The following HAS3 variants were observed in gnomAD, a reference collection of about 807,000 sequenced individuals.
HAS3 encodes the protein hyaluronan synthase 3, also known as HA synthase 3.
HAS3 carries 27 observed loss-of-function variants against 50.3 expected under a neutral mutation model. That is an observed-to-expected ratio of 0.54 (90% CI 0.40 to 0.74). The LOEUF is 0.74. Among genes scored for constraint, HAS3 ranks in the 30% least tolerant of loss-of-function variants. The pLI, the probability that HAS3 is intolerant of heterozygous loss-of-function variation, is 0.00. For missense variants in HAS3, 517 were observed against 742.8 expected (o/e 0.70, Z 3.53); for synonymous variants, 339 against 310.9 (o/e 1.09, Z -0.95).
chr16:69,108,836 TGC>T, intron 1 of HAS3, among the ~76,000 whole-genome samples: 2 of 152,330 alleles, frequency 1.3e-5, no homozygotes, highest in South Asian at 4.1e-4. Context: ...CCCCTTTGTT[TGC>T]TGTTTCTTTT....
At chr16:69,100,119 C>G in the HAS3 span, among the ~76,000 whole-genome samples, 1 of 152,266 alleles carries the variant, frequency 6.6e-6, no homozygotes, top group East Asian at 1.9e-4. Context: ...AACGGCAGCA[C>G]AGGAAAGTCC....
chr16:69,110,571 C>G (rs1039787902), intron 2 of HAS3, among the ~76,000 whole-genome samples: 19 of 152,166 alleles, frequency 1.2e-4, no homozygotes, highest in African/African-American at 4.3e-4. Flanking sequence ...GCACATACAC[C>G]ACCGCACCCA....
At position 69,109,617 on chromosome 16, in the gene HAS3, C is replaced by T. The variant is rs1443422856; in HGVS notation, c.222C>T (p.Gly74=). 6.2e-6 allele frequency: 10 copies of T among 1,611,900 alleles called. No individual in the cohort carries two copies. Among genetic ancestry groups the T allele is most frequent in the African/African-American group, 2.7e-5 (2 of 75,072 alleles). The part of the protein sequence containing the change: ...FLEHRRMRRA[G]QALKLPSPRR... ...AGCACCGGCGCATGCGACGTGCCGG[C>T]CAGGCCCTGAAGCTGCCCTCCCCGC... The change falls in exon 2 of 4, where the codon GGC becomes GGT. Residue 74 remains glycine (G), a synonymous_variant. Coordinates refer to ENST00000569188, the MANE Select transcript of HAS3 (RefSeq NM_001199280.2). This position sits in a 1 kb window ranked among gnomAD's most constrained non-coding sequence, Gnocchi z 5.3.
the HAS3 span, among the ~76,000 whole-genome samples, chr16:69,095,148 A>AT: frequency 1.1e-4 from 17 of 151,330 alleles, no homozygotes; most frequent in South Asian, 2.1e-3. Flanking sequence ...CACCTGGCTA[A>AT]TTTTTTTTGT....
chr16:69,095,980 T>C, the HAS3 span, among the ~76,000 whole-genome samples: 1 of 133,108 alleles, frequency 7.5e-6, no homozygotes, highest in African/African-American at 2.8e-5. Flanking sequence ...CTTTGGAGGC[T>C]GAGGCAGGTG....
the HAS3 span, among the ~76,000 whole-genome samples, chr16:69,086,060 G>T: frequency 1.3e-5 from 2 of 151,476 alleles, no homozygotes; most frequent in Admixed American, 1.3e-4. Context: ...CAGAGATGAG[G>T]TCTCGCTATG....
At position 69,116,653 on chromosome 16, in the gene HAS3, T is replaced by C. The variant is rs935450561; in HGVS notation, c.*1387T>C. On this transcript the variant is annotated 3_prime_UTR_variant, in exon 4 of 4. Coordinates refer to ENST00000569188, the MANE Select transcript of HAS3 (RefSeq NM_001199280.2). ...AACTGGTTCCTACATCCTAAGGTTC[T>C]TGCTTTCTCTCTCATGCCTCCTGAG... The C allele has an allele frequency of 8.1e-6, 8 of 985,290 alleles. No individual in the cohort carries two copies. The African/African-American group carries it at 1.0e-4, about 13-fold the overall frequency. The allele number at this position is 985,290 out of a possible 1,614,324, so 61.0% of individuals were successfully genotyped here.
At chr16:69,098,661 GA>G in the HAS3 span, among the ~76,000 whole-genome samples, 1 of 120,970 alleles carries the variant, frequency 8.3e-6, no homozygotes, top group Admixed American at 8.3e-5. Flanking sequence ...TATCAAACCT[GA>G]TTTTTTTTTT....
At chr16:69,118,448 T>C, downstream of HAS3, 1 of 1,607,416 alleles carries the variant, frequency 6.2e-7, no homozygotes, top group Non-Finnish European at 8.5e-7. Context: ...ACGCCACGTT[T>C]CTAGAGAGCA....
chr16:69,108,415 A>C (rs1960882127), intron 1 of HAS3, among the ~76,000 whole-genome samples: 1 of 152,170 alleles, frequency 6.6e-6, no homozygotes, highest in African/African-American at 2.4e-5. Flanking sequence ...CTTAAACCCA[A>C]TTCTCTAGTG....
rs1026534458 is a variant in HAS3 at position 69,114,799 on chromosome 16, C to A, written c.1195C>A (p.Gln399Lys). ...FPFFLIATVIQLFYRGRIWNI... is the reference protein window; with the variant it reads ...FPFFLIATVIKLFYRGRIWNI... ...CTTCTTCCTCATTGCCACGGTTATA[C>A]AGCTTTTCTACCGGGGCCGCATCTG... Residue 399 changes from glutamine (Q) to lysine (K), a missense_variant, in exon 4 of 4, where the codon CAG (glutamine) becomes AAG (lysine). Gln to Lys is a moderately conservative substitution (Grantham distance 53). Transcript: ENST00000569188. The surrounding 1 kb of genome is among the most constrained non-coding windows in gnomAD (Gnocchi z 6.4). The A allele has an allele frequency of 6.2e-7, 1 of 1,613,984 alleles. No homozygotes were observed. The highest frequency in any genetic ancestry group is 8.5e-7 in the Non-Finnish European group (1 of 1,180,020).
rs1228928122 is a variant in HAS3, at chr16:69,114,316, A to G, written c.739-27A>G. The G allele has an allele frequency of 3.8e-6, 6 of 1,561,344 alleles. No homozygotes were observed. The Admixed American group carries it at 7.1e-5, about 18-fold the overall frequency. On this transcript the variant is annotated intron_variant, in intron 3 of 3. Transcript: ENST00000569188. The surrounding 1 kb of genome is among the most constrained non-coding windows in gnomAD (Gnocchi z 6.4). ...TGTCCTCCGGACGTGCAACCTTAGG[A>G]GGCCCAGCATCTCTATTCCCTTGCA...
chr16:69,105,328 C>A (rs908532711), upstream of HAS3, among the ~76,000 whole-genome samples: 2 of 152,110 alleles, frequency 1.3e-5, no homozygotes, highest in Admixed American at 6.6e-5. Context: ...AACTCTCCCC[C>A]CTCCTCGATC....
At chr16:69,118,592 C>T (rs1264963926), downstream of HAS3, 6 of 725,180 alleles carry the variant, frequency 8.3e-6, no homozygotes, top group African/African-American at 1.7e-5. Flanking sequence ...AGCTGTGGGA[C>T]GAAAGCACAG....
chr16:69,093,339 G>A, the HAS3 span, among the ~76,000 whole-genome samples: 1 of 151,984 alleles, frequency 6.6e-6, no homozygotes, highest in Non-Finnish European at 1.5e-5. Flanking sequence ...AGCCTCCTGA[G>A]TAGCTGGGAT....
intron 2 of HAS3, among the ~76,000 whole-genome samples, chr16:69,112,796 G>C: frequency 6.6e-6 from 1 of 152,214 alleles, no homozygotes; most frequent in Non-Finnish European, 1.5e-5. Context: ...GTTGGCCCTG[G>C]GGTCTGCCTG....
At chr16:69,098,433 G>T in the HAS3 span, among the ~76,000 whole-genome samples, 5 of 151,678 alleles carry the variant, frequency 3.3e-5, no homozygotes, top group African/African-American at 1.2e-4. Context: ...TTACAACATG[G>T]GGTCTCTCTG....
chr16:69,115,349 G>A lies in HAS3; in HGVS notation c.*83G>A, dbSNP rs993978705. ...AAGAGAAAAGACAGGGTGGGAGGGA[G>A]GAGGGAGTGCTGTGTTTTAGTCTCT... is the stretch of plus-strand genomic sequence containing the variant. On this transcript the variant is annotated 3_prime_UTR_variant, in exon 4 of 4. Coordinates refer to ENST00000569188, the MANE Select transcript of HAS3 (RefSeq NM_001199280.2). 16 of 1,462,578 alleles carry A rather than the reference G, an allele frequency of 1.1e-5. No homozygotes were observed. In the Admixed American group the frequency reaches 2.6e-4, roughly 24 times the overall value. The allele number at this position is 1,462,578 out of a possible 1,614,324, so 90.6% of individuals were successfully genotyped here.
the HAS3 span, among the ~76,000 whole-genome samples, chr16:69,093,202 T>C: frequency 1.3e-5 from 2 of 152,144 alleles, no homozygotes; most frequent in African/African-American, 4.8e-5. Flanking sequence ...TAACATTGTA[T>C]CATTTTTGTT....
Sources: allele counts gnomAD v4.1 joint callset (sites outside exome capture counted in the v4.1 genomes callset), GRCh38; gene constraint gnomAD v4.1.1; non-coding constraint Gnocchi (gnomAD v3.1); transcripts MANE v1.5; gene names NCBI Gene and HGNC (gene_info 2026-07-23, HGNC 2026-07-21).